Variants in DYNC1I1 observed in about 807,000 individuals in gnomAD.
DYNC1I1 encodes the protein cytoplasmic dynein 1 intermediate chain 1.
A neutral mutation model predicts 86.6 loss-of-function variants in DYNC1I1; 43 were observed. The observed-to-expected ratio is 0.50, with a 90% CI of 0.39 to 0.64. The LOEUF (loss-of-function observed/expected upper bound fraction) is 0.64. Among genes scored for constraint, DYNC1I1 ranks in the 30% least tolerant of loss-of-function variants. The pLI is 0.00. For missense variants in DYNC1I1, 604 were observed against 788.8 expected (o/e 0.77, Z 2.81); for synonymous variants, 262 against 283.7 (o/e 0.92, Z 0.77).
At chr7:96,091,082 C>A (rs1446141601) in intron 16 of DYNC1I1, among the ~76,000 whole-genome samples, 1 of 152,102 alleles carries the variant, frequency 6.6e-6, no homozygotes, top group Admixed American at 6.6e-5. Context: ...TACAGGCTTC[C>A]TCTGAACACA....
chr7:96,075,461 C>T (rs1478375042), intron 14 of DYNC1I1, among the ~76,000 whole-genome samples: 3 of 152,152 alleles, frequency 2.0e-5, no homozygotes, highest in Non-Finnish European at 4.4e-5. Context: ...GGCGTAGGAT[C>T]GCGAAATGAT....
chr7:95,787,044 A>G (rs1794167345), intron 1 of DYNC1I1, among the ~76,000 whole-genome samples: 1 of 152,138 alleles, frequency 6.6e-6, no homozygotes, highest in Admixed American at 6.5e-5. Flanking sequence ...CTTACTTTTG[A>G]GTGTCTAGAT....
intron 6 of DYNC1I1, among the ~76,000 whole-genome samples, chr7:95,902,129 G>C (rs763142632): frequency 2.0e-5 from 3 of 152,142 alleles, no homozygotes; most frequent in Non-Finnish European, 2.9e-5. Context: ...GAAAGTTTGT[G>C]AAATTCAAGA....
intron 1 of DYNC1I1, among the ~76,000 whole-genome samples, chr7:95,773,774 A>G (rs531855093): frequency 2.0e-5 from 3 of 152,210 alleles, no homozygotes; most frequent in Non-Finnish European, 2.9e-5. Context: ...TATAGCTAAC[A>G]GTAAGGCATA....
intron 6 of DYNC1I1, among the ~76,000 whole-genome samples, chr7:95,884,982 T>C (rs940655325): frequency 1.3e-5 from 2 of 152,174 alleles, no homozygotes; most frequent in Non-Finnish European, 2.9e-5. Context: ...TTACAAGTAC[T>C]CAAAGCATTT....
intron 10 of DYNC1I1, among the ~76,000 whole-genome samples, chr7:96,002,368 A>G (rs908252128): frequency 6.6e-6 from 1 of 152,216 alleles, no homozygotes; most frequent in African/African-American, 2.4e-5. Context: ...CTAAATGATG[A>G]TGAGGTATTT....
chr7:95,847,667 CCT>C (rs1789470454), intron 5 of DYNC1I1, among the ~76,000 whole-genome samples: 1 of 152,138 alleles, frequency 6.6e-6, no homozygotes, highest in Non-Finnish European at 1.5e-5. Context: ...CCTCAATATA[CCT>C]CTCTAAATTT....
chr7:96,030,330 TTGTGTGTG>T (rs200496803), intron 11 of DYNC1I1, among the ~76,000 whole-genome samples: 1,566 of 135,482 alleles, frequency 0.012, 38 homozygotes, highest in African/African-American at 0.04. Context: ...AATGGTAGAG[TTGTGTGTG>T]TGTGTGTGTG....
At position 95,984,905 on chromosome 7, in the gene DYNC1I1, T is replaced by C. The variant is rs1233008032; in HGVS notation, c.671T>C (p.Ile224Thr). 6.2e-7 allele frequency: 1 copy of C among 1,613,682 alleles called. No homozygotes were observed. Among genetic ancestry groups the C allele is most frequent in the South Asian group, 1.1e-5 (1 of 90,994 alleles). The change falls in exon 8 of 17, where the codon ATT (isoleucine) becomes ACT (threonine). Residue 224 changes from isoleucine to threonine, a missense_variant. Ile to Thr is a moderately conservative substitution (Grantham distance 89, BLOSUM62 -1). Coordinates refer to ENST00000447467, the MANE Select transcript of DYNC1I1 (RefSeq NM_001135556.2). Reference sequence around the variant, plus strand: ...TTTTTTGACCGGACAATACGGGTAATTGAAAGAGCCCTGGCTGAAGATTCC... The same window carrying C: ...TTTTTTGACCGGACAATACGGGTAACTGAAAGAGCCCTGGCTGAAGATTCC... Reference protein sequence around the residue: ...LIFFDRTIRVIERALAEDSDI... With the variant: ...LIFFDRTIRVTERALAEDSDI...
intron 10 of DYNC1I1, among the ~76,000 whole-genome samples, chr7:95,996,420 G>A (rs945061725): frequency 6.6e-6 from 1 of 152,172 alleles, no homozygotes; most frequent in Non-Finnish European, 1.5e-5. Context: ...CATCCTCAGA[G>A]CACTACCATT....
chr7:96,101,214 C>A (rs1431391178), downstream of DYNC1I1, among the ~76,000 whole-genome samples: 1 of 152,192 alleles, frequency 6.6e-6, no homozygotes, highest in Non-Finnish European at 1.5e-5. Flanking sequence ...AAGAACGTGG[C>A]ATTCCTAGTG....
intron 6 of DYNC1I1, among the ~76,000 whole-genome samples, chr7:95,974,420 A>C (rs319304): frequency 6.6e-6 from 1 of 151,968 alleles, no homozygotes; most frequent in Admixed American, 6.6e-5. Flanking sequence ...TTTAAAAAGC[A>C]ATTTTGTATT....
rs1482292989 is a variant in DYNC1I1 at position 95,784,160 on chromosome 7, G to A, written c.-10+11387G>A. Among the ~76,000 whole-genome samples the A allele has an allele frequency of 2.6e-5, 4 of 152,212 alleles. No homozygotes were observed. The East Asian group carries it at 7.7e-4, about 29-fold the overall frequency. ...AGATGTTCAGTCAGTATTTTCCCTG[G>A]TCTAGAGAGCTCTAGAGTGTCAATC... On this transcript the variant is annotated intron_variant, in intron 1 of 16. Coordinates refer to ENST00000447467, the MANE Select transcript of DYNC1I1 (RefSeq NM_001135556.2).
intron 6 of DYNC1I1, among the ~76,000 whole-genome samples, chr7:95,912,124 C>G (rs539136556): frequency 3.7e-3 from 560 of 152,256 alleles, no homozygotes; most frequent in South Asian, 0.017. Flanking sequence ...GCAACCTCCA[C>G]CTCCCAGGTT....
Position 96,091,541 on chromosome 7 carries a change from G to A in DYNC1I1, c.1777-5942G>A, listed in dbSNP as rs552468756. On this transcript the variant is annotated intron_variant, in intron 16 of 16. Coordinates refer to ENST00000447467, the MANE Select transcript of DYNC1I1 (RefSeq NM_001135556.2). ...ACTGAAATCAGAGCGCTTTTCTAAC[G>A]TCTTAATTATGCAAGATTTTAAAAA... Among the ~76,000 whole-genome samples the A allele has an allele frequency of 7.2e-5, 11 of 152,116 alleles. 1 individual carries two copies. In the South Asian group the frequency reaches 1.7e-3, roughly 23 times the overall value.
intron 6 of DYNC1I1, among the ~76,000 whole-genome samples, chr7:95,917,479 C>T (rs1791499940): frequency 6.6e-6 from 1 of 152,138 alleles, no homozygotes; most frequent in African/African-American, 2.4e-5. Flanking sequence ...GAGTACCCTT[C>T]CAAAGAAAAT....
intron 10 of DYNC1I1, among the ~76,000 whole-genome samples, chr7:96,020,465 C>T (rs1362220679): frequency 6.6e-6 from 1 of 152,180 alleles, no homozygotes; most frequent in African/African-American, 2.4e-5. Flanking sequence ...AGCGCAAGAA[C>T]ACCATGGGAA....
At chr7:96,073,593 A>G (rs1460407102) in intron 14 of DYNC1I1, among the ~76,000 whole-genome samples, 2 of 152,184 alleles carry the variant, frequency 1.3e-5, no homozygotes, top group Non-Finnish European at 2.9e-5. Context: ...ATAGGTCTGT[A>G]TGAGTCTATC....
intron 13 of DYNC1I1, 131 bp downstream of exon 13, chr7:96,035,883 T>C: frequency 1.4e-6 from 2 of 1,423,570 alleles, no homozygotes; most frequent in Non-Finnish European, 1.9e-6. Flanking sequence ...CTTCAACTCT[T>C]CATTATCTTA....
Sources: allele counts gnomAD v4.1 joint callset (sites outside exome capture counted in the v4.1 genomes callset), GRCh38; gene constraint gnomAD v4.1.1; transcripts MANE v1.5; gene names NCBI Gene and HGNC (gene_info 2026-07-23, HGNC 2026-07-21).